The following MYLK variants were observed in gnomAD, a reference collection of about 807,000 sequenced individuals.
MYLK encodes the protein myosin light chain kinase, also known as myosin light chain kinase, smooth muscle.
A neutral mutation model predicts 203.4 loss-of-function variants in MYLK; 106 were observed. The ratio of observed to expected loss-of-function variants is 0.52; its 90% CI spans 0.45 to 0.61. MYLK has a LOEUF of 0.61. Ranked by LOEUF, MYLK falls within the 20% of genes least tolerant of loss-of-function variation. The probability of loss-of-function intolerance (pLI) is 0.00; values close to 1 mark genes in which losing one functional copy is unlikely to be tolerated. For missense variants in MYLK, 2,072 were observed against 2,442.3 expected, an observed-to-expected ratio of 0.85 and a Z score of 3.20; for synonymous variants, 867 against 959.5, an observed-to-expected ratio of 0.90 and a Z score of 1.78.
At chr3:123,626,723 C>G in intron 31 of MYLK, 95 bp downstream of exon 31, 1 of 1,580,972 alleles carries the variant, frequency 6.3e-7, no homozygotes, top group Non-Finnish European at 8.7e-7. Context: ...TTTAAACTTT[C>G]TTGGTGTGAG....
chr3:123,849,870 T>C (rs2030532511), intron 2 of MYLK, among the ~76,000 whole-genome samples: 1 of 151,898 alleles, frequency 6.6e-6, no homozygotes, highest in Non-Finnish European at 1.5e-5. Flanking sequence ...ATTAGGTATA[T>C]CTCCTAATGC....
At chr3:123,768,598 C>T (rs1023102006) in intron 4 of MYLK, among the ~76,000 whole-genome samples, 2 of 152,220 alleles carry the variant, frequency 1.3e-5, no homozygotes, top group Non-Finnish European at 2.9e-5. Context: ...ACTGGGGACC[C>T]AGATCCACCT....
chr3:123,733,869 G>T lies in MYLK; in HGVS notation c.1127C>A (p.Pro376His). ...PSGEERKRPA[P>H]PRPATFPTRQ... ...GGTGGGGAAGGTGGCTGGACGGGGA[G>T]GAGCTGGCCTCTTCCTCTCTTCTCC... The change falls in exon 10 of 34, where the codon CCT becomes CAT. Residue 376 changes from proline (P) to histidine (H), a missense_variant. By Grantham distance (77) the Pro-to-His change is moderately conservative. Coordinates refer to ENST00000360304, the MANE Select transcript of MYLK (RefSeq NM_053025.4). 6.2e-7 allele frequency: 1 copy of T among 1,614,156 alleles called. No homozygotes were observed. Among genetic ancestry groups the T allele is most frequent in the Admixed American group, 1.7e-5 (1 of 60,030 alleles).
chr3:123,621,197 A>T (rs940993161), intron 31 of MYLK: 1 of 152,238 alleles, frequency 6.6e-6, no homozygotes, highest in Non-Finnish European at 1.5e-5. Flanking sequence ...CTAATAATGT[A>T]CAATTGTGTC....
rs538237117 is a variant in MYLK at position 123,701,601 on chromosome 3, G to A, written c.2391-92C>T. 23 of 1,372,928 alleles carry A rather than the reference G, an allele frequency of 1.7e-5. 1 individual carries two copies. The South Asian group carries it at 2.6e-4, about 15-fold the overall frequency. The allele number at this position is 1,372,928 out of a possible 1,614,324, so 85.0% of individuals were successfully genotyped here. ...CTTGATCACAGGCTGCTGGCCAGCG[G>A]GGAAGATGGAAGTCGCCGGCTTGAC... On this transcript the variant is annotated intron_variant, in intron 16 of 33. Coordinates refer to ENST00000360304, the MANE Select transcript of MYLK (RefSeq NM_053025.4).
intron 31 of MYLK, chr3:123,621,452 ACT>A (rs1341202626): frequency 6.6e-6 from 1 of 152,078 alleles, no homozygotes; most frequent in Non-Finnish European, 1.5e-5. Flanking sequence ...TGCATCTCAA[ACT>A]CTGCCGGCAA....
At position 123,698,739 on chromosome 3, in the gene MYLK, C is replaced by T. The variant is rs938977891; in HGVS notation, c.3448+1281G>A. The stretch of plus-strand genomic sequence containing the variant: ...GCCAGTGTCCCCTTCACTCTTTCAG[C>T]GCTGAGATTCAATATACTCAGCTGC... On this transcript the variant is annotated intron_variant, in intron 18 of 33. Coordinates refer to ENST00000360304, the MANE Select transcript of MYLK (RefSeq NM_053025.4). 3 of 169,548 alleles carry T rather than the reference C, an allele frequency of 1.8e-5. No homozygotes were observed. In the East Asian group the frequency reaches 5.0e-4, roughly 28 times the overall value. The allele number at this position is 169,548 out of a possible 1,614,324, so 10.5% of individuals were successfully genotyped here. A position where few individuals can be genotyped will look rare whatever the true frequency, so the allele number is the denominator to read the frequency against.
At chr3:123,729,232 C>T (rs1248323576) in intron 11 of MYLK, among the ~76,000 whole-genome samples, 1 of 152,186 alleles carries the variant, frequency 6.6e-6, no homozygotes, top group African/African-American at 2.4e-5. Context: ...GTAACACACA[C>T]ACAGAGCCCC....
In MYLK at chr3:123,640,568, T is replaced by C; in HGVS notation, c.4620-64A>G. 1 of 1,566,500 alleles carries C rather than the reference T, an allele frequency of 6.4e-7. No individual in the cohort carries two copies. ...TCATGGAGGCCAGGCTGGCAGGGAG[T>C]CTGGCCAGGGTAGGCTGGGGGTAGG... On this transcript the variant is annotated intron_variant, in intron 27 of 33. Coordinates refer to ENST00000360304, the MANE Select transcript of MYLK (RefSeq NM_053025.4). The surrounding 1 kb of genome is among the most constrained non-coding windows in gnomAD (Gnocchi z 4.3).
At chr3:123,777,325 C>T (rs943920035) in intron 4 of MYLK, among the ~76,000 whole-genome samples, 10 of 152,236 alleles carry the variant, frequency 6.6e-5, no homozygotes, top group Admixed American at 5.2e-4. Flanking sequence ...ATCCTGGCTA[C>T]GAAATCTGTG....
chr3:123,860,151 T>C (rs1050192394), intron 2 of MYLK, among the ~76,000 whole-genome samples: 69 of 152,220 alleles, frequency 4.5e-4, no homozygotes, highest in African/African-American at 1.5e-3. Flanking sequence ...GTTATGCTGG[T>C]TAAAATACCC....
At chr3:123,868,986 G>A (rs1358130216) in intron 2 of MYLK, among the ~76,000 whole-genome samples, 2 of 152,086 alleles carry the variant, frequency 1.3e-5, no homozygotes, top group Non-Finnish European at 2.9e-5. Context: ...TTATCTCAGG[G>A]TGACAAAATT....
intron 3 of MYLK, chr3:123,813,973 C>T (rs74788982): frequency 0.17 from 26,709 of 155,714 alleles, 2,909 homozygotes; most frequent in Non-Finnish European, 0.24. Flanking sequence ...CATGCTGGGA[C>T]TATTCAGGGG....
intron 29 of MYLK, among the ~76,000 whole-genome samples, chr3:123,634,417 C>T (rs73857698): frequency 6.7e-4 from 102 of 152,322 alleles, no homozygotes; most frequent in African/African-American, 2.4e-3. Flanking sequence ...GGCACTGTGA[C>T]CCCTCCTCAG....
At chr3:123,800,659 G>T (rs550726139) in intron 3 of MYLK, among the ~76,000 whole-genome samples, 1 of 152,314 alleles carries the variant, frequency 6.6e-6, no homozygotes, top group South Asian at 2.1e-4. Flanking sequence ...TCCAGCAAGA[G>T]AAGGTATTTT....
At chr3:123,718,755 A>G (rs1367072048) in intron 13 of MYLK, among the ~76,000 whole-genome samples, 4 of 152,116 alleles carry the variant, frequency 2.6e-5, no homozygotes, top group Non-Finnish European at 4.4e-5. Flanking sequence ...TGACCTGCTC[A>G]TGTTCTTAAC....
At chr3:123,842,369 AC>A (rs2148650472) in intron 2 of MYLK, among the ~76,000 whole-genome samples, 1 of 152,282 alleles carries the variant, frequency 6.6e-6, no homozygotes, top group East Asian at 1.9e-4. Context: ...GGGTCTAGTA[AC>A]TATCTCCAAT....
In MYLK at chr3:123,648,636, C is replaced by A. The variant is rs1355985572; in HGVS notation, c.4415+335G>T. On this transcript the variant is annotated intron_variant, in intron 26 of 33. Transcript: ENST00000360304. This position sits in a 1 kb window ranked among gnomAD's most constrained non-coding sequence, Gnocchi z 4.5. ...TCTCCCTAATGTTCTGCTCCCCGCA[C>A]CCCCTGCTCTCCCCTGACAGGCCCC... 1.3e-5 allele frequency among the ~76,000 whole-genome samples: 2 copies of A among 152,136 alleles called. No homozygotes were observed. Among genetic ancestry groups the A allele is most frequent in the East Asian group, 1.9e-4 (1 of 5,186 alleles).
At chr3:123,678,344 C>T (rs533755848) in intron 20 of MYLK, among the ~76,000 whole-genome samples, 39 of 152,220 alleles carry the variant, frequency 2.6e-4, no homozygotes, top group East Asian at 2.1e-3. Context: ...CATAACCTGA[C>T]CCCGTTTTCC....
Sources: allele counts gnomAD v4.1 joint callset (sites outside exome capture counted in the v4.1 genomes callset), GRCh38; gene constraint gnomAD v4.1.1; non-coding constraint Gnocchi (gnomAD v3.1); transcripts MANE v1.5; gene names NCBI Gene and HGNC (gene_info 2026-07-23, HGNC 2026-07-21).